Variants in PGPEP1 observed in about 807,000 individuals in gnomAD.
PGPEP1 encodes pyroglutamyl-peptidase I.
Under a neutral mutation model 24.1 loss-of-function variants are expected in PGPEP1, and 15 were observed. That is an observed-to-expected ratio of 0.62 (90% CI 0.42 to 0.96). The LOEUF is 0.96. PGPEP1 is among the 40% of genes least tolerant of loss of function. The pLI, the probability that PGPEP1 is intolerant of heterozygous loss-of-function variation, is 0.00. For missense variants in PGPEP1, 242 were observed against 273.4 expected (o/e 0.89, Z 0.81); for synonymous variants, 122 against 116.4 (o/e 1.05, Z -0.31).
At chr19:18,358,881 G>A (rs1173598047) in intron 4 of PGPEP1, among the ~76,000 whole-genome samples, 1 of 152,182 alleles carries the variant, frequency 6.6e-6, no homozygotes, top group Non-Finnish European at 1.5e-5. Flanking sequence ...CTCTCAAAGT[G>A]CTGGGATTAT....
intron 2 of PGPEP1, among the ~76,000 whole-genome samples, chr19:18,352,518 G>A (rs946678441): frequency 1.3e-5 from 2 of 151,476 alleles, no homozygotes; most frequent in African/African-American, 4.8e-5. Context: ...GTGTAGGTTT[G>A]TTGACGGAAC....
At chr19:18,344,027 A>G (rs887989027) in intron 2 of PGPEP1, among the ~76,000 whole-genome samples, 1 of 152,038 alleles carries the variant, frequency 6.6e-6, no homozygotes, top group Non-Finnish European at 1.5e-5. Context: ...TGACTCAGAC[A>G]AATCGTGACT....
At position 18,366,176 on chromosome 19, in the gene PGPEP1, T is replaced by G. The variant is rs1266220298; in HGVS notation, c.*2593T>G. On this transcript the variant is annotated 3_prime_UTR_variant, in exon 5 of 5. Coordinates refer to ENST00000269919, the MANE Select transcript of PGPEP1 (RefSeq NM_017712.4). ...TGGGCCTCTGAGGAGAAAACAGGTC[T>G]AGCCAAGACAGGGACAAAATGGGGA... 6.6e-6 allele frequency: 1 copy of G among 152,208 alleles called. No homozygotes were observed. Among genetic ancestry groups the G allele is most frequent in the Non-Finnish European group, 1.5e-5 (1 of 68,080 alleles). The allele number at this position is 152,208 out of a possible 1,614,324, so 9.4% of individuals were successfully genotyped here. A position where few individuals can be genotyped will look rare whatever the true frequency, so the allele number is the denominator to read the frequency against.
chr19:18,349,694 C>A (rs1005433626), intron 2 of PGPEP1, among the ~76,000 whole-genome samples: 1 of 152,188 alleles, frequency 6.6e-6, no homozygotes, highest in Non-Finnish European at 1.5e-5. Flanking sequence ...CCGTCCCCAT[C>A]GCCGCTCCCA....
chr19:18,343,002 A>AATT, intron 2 of PGPEP1, 91 bp downstream of exon 2: 2 of 952,014 alleles, frequency 2.1e-6, no homozygotes, highest in Non-Finnish European at 3.3e-6. Context: ...TTTAACAAAA[A>AATT]CTTTTTTTTT....
chr19:18,357,366 C>A lies in PGPEP1; in HGVS notation c.205-17C>A, dbSNP rs1324111646. ...CACGGGCAGGCCATGTTAAGTCCTG[C>A]CCCTGTCTGTGTGCAGCTGGTGGTG... is the stretch of plus-strand genomic sequence containing the variant. On this transcript the variant is annotated splice_polypyrimidine_tract_variant and intron_variant, in intron 3 of 4. Coordinates refer to ENST00000269919, the MANE Select transcript of PGPEP1 (RefSeq NM_017712.4). 1 of 1,604,172 alleles carries A rather than the reference C, an allele frequency of 6.2e-7. No individual in the cohort carries two copies. The highest frequency in any genetic ancestry group is 8.5e-7 in the Non-Finnish European group (1 of 1,172,418).
chr19:18,357,631 G>T lies in PGPEP1; in HGVS notation c.437+16G>T. 1 of 1,537,970 alleles carries T rather than the reference G, an allele frequency of 6.5e-7. No homozygotes were observed. The highest frequency in any genetic ancestry group is 8.9e-7 in the Non-Finnish European group (1 of 1,126,130). ...ATGCCGGCAGGTAGGGCCCTGTGGG[G>T]TGGGAGTGAGTGGGGATTTCCCTCC... is the stretch of plus-strand genomic sequence containing the variant. On this transcript the variant is annotated intron_variant, in intron 4 of 4. Transcript: ENST00000269919.
At chr19:18,341,035 C>T (rs1159294720) in intron 1 of PGPEP1, among the ~76,000 whole-genome samples, 3 of 152,144 alleles carry the variant, frequency 2.0e-5, no homozygotes, top group Non-Finnish European at 4.4e-5. Flanking sequence ...CCTCCTCTGT[C>T]TGGCCTGCGG....
In PGPEP1 at chr19:18,366,133, C is replaced by T. The variant is rs1409766118; in HGVS notation, c.*2550C>T. The T allele has an allele frequency of 5.3e-5, 8 of 152,174 alleles. No homozygotes were observed. The highest frequency in any genetic ancestry group is 5.2e-4 in the Admixed American group (8 of 15,250). 9.4% of individuals were successfully genotyped at this position (152,174 alleles called of 1,614,324 possible). A position where few individuals can be genotyped will look rare whatever the true frequency, so the allele number is the denominator to read the frequency against. On this transcript the variant is annotated 3_prime_UTR_variant, in exon 5 of 5. Coordinates refer to ENST00000269919, the MANE Select transcript of PGPEP1 (RefSeq NM_017712.4). ...ACTTCAGGTTTCATCTTGCTCTATTCCTCAAAGGTCTGGTCTGTGGGCCTC... is the reference window on the plus strand; with the variant it reads ...ACTTCAGGTTTCATCTTGCTCTATTTCTCAAAGGTCTGGTCTGTGGGCCTC...
intron 4 of PGPEP1, among the ~76,000 whole-genome samples, chr19:18,362,992 CA>C (rs1177385607): frequency 2.6e-5 from 4 of 151,654 alleles, no homozygotes; most frequent in Non-Finnish European, 5.9e-5. Flanking sequence ...CCCATTTCCC[CA>C]CATGTGCCAC....
chr19:18,366,335 C>T lies in PGPEP1; in HGVS notation c.*2752C>T, dbSNP rs984781602. 3 of 152,192 alleles carry T rather than the reference C, an allele frequency of 2.0e-5. No individual in the cohort carries two copies. Among genetic ancestry groups the T allele is most frequent in the African/African-American group, 7.2e-5 (3 of 41,440 alleles). The allele number at this position is 152,192 out of a possible 1,614,324, so 9.4% of individuals were successfully genotyped here. On this transcript the variant is annotated 3_prime_UTR_variant, in exon 5 of 5. Transcript: ENST00000269919. ...GCTCCTTAGAGATATAACCTATTGT[C>T]TGCTCATTGTCACGTGTGTGTGTGT...
chr19:18,346,515 T>C (rs962769487), intron 2 of PGPEP1, among the ~76,000 whole-genome samples: 3 of 152,054 alleles, frequency 2.0e-5, no homozygotes, highest in Non-Finnish European at 4.4e-5. Context: ...TCTGGGTCTC[T>C]CTCTGTCTCT....
chr19:18,361,596 CTT>C (rs1292408639), intron 4 of PGPEP1: 2 of 382,736 alleles, frequency 5.2e-6, no homozygotes, highest in Admixed American at 1.3e-4. Flanking sequence ...CCATCAGTCT[CTT>C]TATAAAATTA....
At chr19:18,345,486 A>G (rs1970804674) in intron 2 of PGPEP1, among the ~76,000 whole-genome samples, 1 of 151,204 alleles carries the variant, frequency 6.6e-6, no homozygotes, top group Non-Finnish European at 1.5e-5. Context: ...CACGCTTGTA[A>G]TCCCAGCACT....
intron 2 of PGPEP1, among the ~76,000 whole-genome samples, chr19:18,348,053 A>C (rs1185530967): frequency 3.4e-5 from 5 of 148,108 alleles, no homozygotes; most frequent in East Asian, 2.0e-4. Context: ...TACAGAGGGG[A>C]CCCCCCCTTG....
chr19:18,355,349 C>T (rs935101996), intron 2 of PGPEP1, among the ~76,000 whole-genome samples: 1 of 152,026 alleles, frequency 6.6e-6, no homozygotes, highest in Non-Finnish European at 1.5e-5. Context: ...CAACCTCTGC[C>T]TCCCGGGTTC....
At chr19:18,358,363 C>A (rs897256049) in intron 4 of PGPEP1, among the ~76,000 whole-genome samples, 1 of 143,942 alleles carries the variant, frequency 6.9e-6, no homozygotes, top group Non-Finnish European at 1.5e-5. Flanking sequence ...TGGGTTCAAG[C>A]GGTTCTCCTG....
At chr19:18,347,635 C>CTTT (rs1286507690) in intron 2 of PGPEP1, among the ~76,000 whole-genome samples, 49 of 135,988 alleles carry the variant, frequency 3.6e-4, no homozygotes, top group African/African-American at 1.3e-3. Context: ...TCTGTCTCTC[C>CTTT]TTTTTTTTTT....
rs1971611202 is a variant in PGPEP1, at chr19:18,368,298, A to G, written c.*4715A>G. 1 of 151,524 alleles carries G rather than the reference A, an allele frequency of 6.6e-6. No individual in the cohort carries two copies. Among genetic ancestry groups the G allele is most frequent in the African/African-American group, 2.4e-5 (1 of 41,240 alleles). The allele number at this position is 151,524 out of a possible 1,614,324, so 9.4% of individuals were successfully genotyped here. On this transcript the variant is annotated 3_prime_UTR_variant, in exon 5 of 5. Coordinates refer to ENST00000269919, the MANE Select transcript of PGPEP1 (RefSeq NM_017712.4). ...ACTAAAAATACAAAAATTAGTCAAG[A>G]GTGGATGGTGCGTGCCTGTAATCCC...
Sources: allele counts gnomAD v4.1 joint callset (sites outside exome capture counted in the v4.1 genomes callset), GRCh38; gene constraint gnomAD v4.1.1; transcripts MANE v1.5; gene names NCBI Gene and HGNC (gene_info 2026-07-23, HGNC 2026-07-21).